The following FOXP1 variants were observed in gnomAD, a reference collection of about 807,000 sequenced individuals.
The protein encoded by FOXP1 is forkhead box protein P1.
FOXP1 carries 15 observed loss-of-function variants against 98.2 expected under a neutral mutation model. The observed-to-expected ratio is 0.15, with a 90% CI of 0.10 to 0.24. The LOEUF (loss-of-function observed/expected upper bound fraction) is 0.24, where lower values mean the gene tolerates loss of function less well. Among genes scored for constraint, FOXP1 ranks in the 10% least tolerant of loss-of-function variants. The pLI is 1.00. For missense variants in FOXP1, 633 were observed against 848.5 expected (o/e 0.75, Z 3.15); for synonymous variants, 371 against 314.5 (o/e 1.18, Z -1.90).
At chr3:71,240,992 C>T (rs957960777) in intron 5 of FOXP1, among the ~76,000 whole-genome samples, 1 of 151,374 alleles carries the variant, frequency 6.6e-6, no homozygotes, top group Non-Finnish European at 1.5e-5. Flanking sequence ...GGGCGGATCA[C>T]GAGGTCAGGA....
At chr3:71,152,505 T>G (rs1183014478) in intron 6 of FOXP1, among the ~76,000 whole-genome samples, 2 of 152,156 alleles carry the variant, frequency 1.3e-5, no homozygotes, top group African/African-American at 4.8e-5. Context: ...TATGAATGGG[T>G]TCCCCCAGAG....
At chr3:71,305,054 A>T (rs2074160284) in intron 4 of FOXP1, among the ~76,000 whole-genome samples, 1 of 152,200 alleles carries the variant, frequency 6.6e-6, no homozygotes, top group Non-Finnish European at 1.5e-5. Context: ...AAAAGAAAGC[A>T]GAATACCCCC....
intron 2 of FOXP1, among the ~76,000 whole-genome samples, chr3:71,504,385 G>C (rs1224180225): frequency 6.6e-6 from 1 of 152,176 alleles, no homozygotes; most frequent in Non-Finnish European, 1.5e-5. Context: ...GCAGACAGGT[G>C]ACTCAGCGGG....
intron 3 of FOXP1, among the ~76,000 whole-genome samples, chr3:71,463,325 C>CTGCT (rs2088335079): frequency 7.1e-6 from 1 of 140,880 alleles, no homozygotes; most frequent in Non-Finnish European, 1.5e-5. Context: ...GATCACACCA[C>CTGCT]TGCTGGGTGA....
intron 3 of FOXP1, among the ~76,000 whole-genome samples, chr3:71,361,607 G>T (rs139996162): frequency 6.6e-6 from 1 of 152,294 alleles, no homozygotes; most frequent in Non-Finnish European, 1.5e-5. Context: ...TCTCTCCTAA[G>T]GGGACACTAA....
intron 3 of FOXP1, among the ~76,000 whole-genome samples, chr3:71,438,154 G>C (rs2085550605): frequency 1.3e-5 from 2 of 152,166 alleles, no homozygotes; most frequent in Admixed American, 1.3e-4. Context: ...TTACGCACAG[G>C]AATTACAGGA....
intron 7 of FOXP1, among the ~76,000 whole-genome samples, chr3:71,106,404 C>T (rs963491255): frequency 1.4e-4 from 22 of 151,976 alleles, no homozygotes; most frequent in African/African-American, 3.4e-4. Context: ...GGCGTGATCT[C>T]GGCTCACTGC....
At chr3:71,384,718 C>T (rs2080437404) in intron 3 of FOXP1, among the ~76,000 whole-genome samples, 1 of 152,180 alleles carries the variant, frequency 6.6e-6, no homozygotes, top group South Asian at 2.1e-4. Context: ...AGGTGAATTT[C>T]ATATCACTGG....
At chr3:71,010,001 C>CCA (rs2043358255) in intron 12 of FOXP1, among the ~76,000 whole-genome samples, 1 of 150,244 alleles carries the variant, frequency 6.7e-6, no homozygotes, top group Non-Finnish European at 1.5e-5. Context: ...AGAAATCCTT[C>CCA]CACCTTAGCC....
At chr3:71,246,400 T>C (rs1007999539) in intron 5 of FOXP1, among the ~76,000 whole-genome samples, 2 of 152,142 alleles carry the variant, frequency 1.3e-5, no homozygotes, top group African/African-American at 4.8e-5. Flanking sequence ...TAATTAAGAA[T>C]GAAGCCAGGC....
intron 6 of FOXP1, among the ~76,000 whole-genome samples, chr3:71,178,594 C>A (rs950370441): frequency 2.6e-5 from 4 of 151,576 alleles, no homozygotes; most frequent in African/African-American, 7.3e-5. Flanking sequence ...ACTAAAAATA[C>A]AAAAATTGGC....
intron 5 of FOXP1, chr3:71,296,510 A>C (rs2073312442): frequency 1.3e-5 from 2 of 152,248 alleles, no homozygotes; most frequent in Admixed American, 6.5e-5. Context: ...GTTCAAAGGT[A>C]AAAATTACAT....
At chr3:71,007,231 T>C (rs1019277141) in intron 12 of FOXP1, among the ~76,000 whole-genome samples, 1 of 152,140 alleles carries the variant, frequency 6.6e-6, no homozygotes, top group South Asian at 2.1e-4. Flanking sequence ...ACTCAAAGAC[T>C]TGTCACCTCA....
chr3:71,252,238 A>G (rs1232632325), intron 5 of FOXP1, among the ~76,000 whole-genome samples: 1 of 152,176 alleles, frequency 6.6e-6, no homozygotes, highest in African/African-American at 2.4e-5. Context: ...CCAGAGGGAA[A>G]AGTTGAAGGA....
intron 3 of FOXP1, among the ~76,000 whole-genome samples, chr3:71,490,516 G>C (rs1055135359): frequency 6.6e-6 from 1 of 151,596 alleles, no homozygotes; most frequent in Non-Finnish European, 1.5e-5. Context: ...AAAAATGGGA[G>C]GAGAATAGAA....
chr3:71,350,241 C>A (rs1180067850), intron 4 of FOXP1, among the ~76,000 whole-genome samples: 1 of 152,098 alleles, frequency 6.6e-6, no homozygotes, highest in Non-Finnish European at 1.5e-5. Flanking sequence ...AAAAGCAAGT[C>A]TGAATGTTAA....
At chr3:71,184,728 CTAAT>C (rs1284480562) in intron 6 of FOXP1, among the ~76,000 whole-genome samples, 2 of 150,654 alleles carry the variant, frequency 1.3e-5, no homozygotes, top group Non-Finnish European at 2.9e-5. Context: ...TTTGGCAAAT[CTAAT>C]TAACATACAG....
chr3:71,065,247 C>G (rs899899216), intron 7 of FOXP1, among the ~76,000 whole-genome samples: 27 of 151,836 alleles, frequency 1.8e-4, no homozygotes, highest in Admixed American at 5.9e-4. Flanking sequence ...TCCCTCTGGC[C>G]GGGGCTCTGC....
At chr3:71,092,477 A>G (rs2055982589) in intron 7 of FOXP1, among the ~76,000 whole-genome samples, 1 of 152,148 alleles carries the variant, frequency 6.6e-6, no homozygotes, top group Admixed American at 6.5e-5. Context: ...GTATCAGCGG[A>G]AACTGAAGGT....
Sources: allele counts gnomAD v4.1 joint callset (sites outside exome capture counted in the v4.1 genomes callset), GRCh38; gene constraint gnomAD v4.1.1; transcripts MANE v1.5; gene names NCBI Gene and HGNC (gene_info 2026-07-23, HGNC 2026-07-21).